The following STAU2 variants were observed in gnomAD, a reference collection of about 807,000 sequenced individuals.
STAU2 encodes the protein staufen double-stranded RNA binding protein 2.
STAU2 carries 20 observed loss-of-function variants against 65.9 expected under a neutral mutation model. The ratio of observed to expected loss-of-function variants is 0.30; its 90% CI spans 0.21 to 0.44. STAU2 has a LOEUF of 0.44. Among genes scored for constraint, STAU2 ranks in the 20% least tolerant of loss-of-function variants. STAU2 has a pLI of 1.00. For synonymous variants in STAU2, 232 were observed against 233.9 expected (o/e 0.99, Z 0.07); for missense variants, 558 against 683.9 (o/e 0.82, Z 2.05).
chr8:73,674,179 G>T (rs1481170907), intron 5 of STAU2, among the ~76,000 whole-genome samples: 1 of 147,556 alleles, frequency 6.8e-6, no homozygotes, highest in Non-Finnish European at 1.5e-5. Context: ...GTCTCTGAAT[G>T]TACACTGTTT....
intron 11 of STAU2, among the ~76,000 whole-genome samples, chr8:73,586,711 T>C (rs549560698): frequency 8.2e-6 from 1 of 122,228 alleles, no homozygotes; most frequent in East Asian, 2.5e-4. Flanking sequence ...TAAACAAGAA[T>C]AGGAAGGCTT....
At chr8:73,495,678 T>TATATATATATATATATATAC (rs1387768770) in intron 13 of STAU2, among the ~76,000 whole-genome samples, 31 of 147,702 alleles carry the variant, frequency 2.1e-4, no homozygotes, top group African/African-American at 7.7e-4. Context: ...TATATATATA[T>TATATATATATATATATATAC]ATATATATAT....
intron 13 of STAU2, chr8:73,550,553 T>C (rs902139371): frequency 1.0e-6 from 1 of 982,948 alleles, no homozygotes; most frequent in African/African-American, 1.7e-5. Flanking sequence ...TTAATTTCTT[T>C]TCATCACAAT....
At chr8:73,629,783 T>C (rs1813956701) in intron 6 of STAU2, among the ~76,000 whole-genome samples, 1 of 152,182 alleles carries the variant, frequency 6.6e-6, no homozygotes, top group South Asian at 2.1e-4. Context: ...CTTTTCTTTT[T>C]TGAGGCAGGG....
chr8:73,452,631 G>A (rs1406648908), intron 13 of STAU2, among the ~76,000 whole-genome samples: 1 of 152,224 alleles, frequency 6.6e-6, no homozygotes, highest in African/African-American at 2.4e-5. Flanking sequence ...TAGAATGTGA[G>A]TTCTGGATCA....
At chr8:73,423,999 A>G (rs930776616) in intron 13 of STAU2, among the ~76,000 whole-genome samples, 1 of 152,150 alleles carries the variant, frequency 6.6e-6, no homozygotes, top group Non-Finnish European at 1.5e-5. Context: ...CCATTAGAGT[A>G]TCATATAAAA....
chr8:73,526,559 TAG>T (rs1805472231), intron 13 of STAU2, among the ~76,000 whole-genome samples: 1 of 152,170 alleles, frequency 6.6e-6, no homozygotes, highest in Non-Finnish European at 1.5e-5. Flanking sequence ...GTAAGACTAT[TAG>T]AAGTCCTCAA....
intron 13 of STAU2, among the ~76,000 whole-genome samples, chr8:73,427,615 T>G (rs1479167862): frequency 6.6e-6 from 1 of 152,250 alleles, no homozygotes; most frequent in East Asian, 1.9e-4. Flanking sequence ...GCGGCTATGC[T>G]GAGGGCAGTG....
intron 13 of STAU2, among the ~76,000 whole-genome samples, chr8:73,457,223 AG>A (rs1309228652): frequency 4.9e-5 from 3 of 61,130 alleles, no homozygotes; most frequent in Non-Finnish European, 8.7e-5. Flanking sequence ...AGAAACACAC[AG>A]AAAGAAATTT....
At chr8:73,708,328 T>C (rs899293049) in intron 4 of STAU2, among the ~76,000 whole-genome samples, 4 of 152,152 alleles carry the variant, frequency 2.6e-5, no homozygotes, top group African/African-American at 9.7e-5. Context: ...TATGATAATC[T>C]CCAATAGCCA....
At chr8:73,444,029 C>T (rs1818335473) in intron 13 of STAU2, among the ~76,000 whole-genome samples, 1 of 152,138 alleles carries the variant, frequency 6.6e-6, no homozygotes, top group Non-Finnish European at 1.5e-5. Flanking sequence ...CTCTGCTCTC[C>T]TCTAGGCTAG....
intron 13 of STAU2, among the ~76,000 whole-genome samples, chr8:73,538,393 C>G (rs928495131): frequency 1.3e-5 from 2 of 151,890 alleles, no homozygotes; most frequent in Non-Finnish European, 2.9e-5. Context: ...TGAAAGTAGC[C>G]AAGAGCCTAT....
At chr8:73,690,808 A>G (rs1331102640) in intron 4 of STAU2, among the ~76,000 whole-genome samples, 1 of 152,212 alleles carries the variant, frequency 6.6e-6, no homozygotes, top group African/African-American at 2.4e-5. Context: ...TTCACAACAT[A>G]AACATACCTG....
intron 13 of STAU2, among the ~76,000 whole-genome samples, chr8:73,523,663 T>A (rs1398220947): frequency 6.6e-6 from 1 of 152,128 alleles, no homozygotes. Flanking sequence ...GAATGTCATA[T>A]AAATGGAATC....
intron 6 of STAU2, among the ~76,000 whole-genome samples, chr8:73,638,877 A>C (rs1814752160): frequency 6.6e-6 from 1 of 151,994 alleles, no homozygotes; most frequent in Admixed American, 6.5e-5. Flanking sequence ...TGATTTAAAA[A>C]AATGTGTTTT....
At position 73,617,468 on chromosome 8, in the gene STAU2, A is replaced by C. The variant is rs1421649399; in HGVS notation, c.411-17T>G. The C allele has an allele frequency of 1.2e-6, 2 of 1,608,298 alleles. No individual in the cohort carries two copies. The highest frequency in any genetic ancestry group is 1.7e-5 in the Admixed American group (1 of 59,296). The stretch of plus-strand genomic sequence containing the variant: ...CAATGATACCTAAAATAAGAAAATA[A>C]AAACATTAAAGTTAGCTTAATAAAA... On this transcript the variant is annotated splice_polypyrimidine_tract_variant and intron_variant, in intron 6 of 14. Transcript: ENST00000524300.
chr8:73,747,398 T>G (rs1375812398), upstream of STAU2: 4 of 1,535,356 alleles, frequency 2.6e-6, no homozygotes, highest in East Asian at 7.3e-5. Flanking sequence ...TTTCCCAGGC[T>G]CTCCGGCTGC....
chr8:73,439,441 A>G (rs1287298698), intron 13 of STAU2, among the ~76,000 whole-genome samples: 1 of 152,134 alleles, frequency 6.6e-6, no homozygotes, highest in South Asian at 2.1e-4. Flanking sequence ...ACATGGTGAA[A>G]CCCCATCTCT....
intron 13 of STAU2, chr8:73,439,122 G>A (rs1817931889): frequency 2.3e-6 from 1 of 438,554 alleles, no homozygotes; most frequent in African/African-American, 2.0e-5. Flanking sequence ...TTTAACAACT[G>A]ACTCTTCGTG....
Sources: allele counts gnomAD v4.1 joint callset (sites outside exome capture counted in the v4.1 genomes callset), GRCh38; gene constraint gnomAD v4.1.1; transcripts MANE v1.5; gene names NCBI Gene and HGNC (gene_info 2026-07-23, HGNC 2026-07-21).